HGF: variants seen among roughly 807,000 people sequenced by gnomAD.
HGF encodes the protein hepatocyte growth factor, also known as fibroblast-derived tumor cytotoxic factor.
Under a neutral mutation model 111.6 loss-of-function variants are expected in HGF, and 39 were observed. The observed-to-expected ratio is 0.35, with a 90% CI of 0.27 to 0.46. HGF has a LOEUF of 0.46. Among genes scored for constraint, HGF ranks in the 20% least tolerant of loss-of-function variants. The probability of loss-of-function intolerance (pLI) is 1.00; values close to 1 mark genes in which losing one functional copy is unlikely to be tolerated. For missense variants in HGF, 735 were observed against 910.5 expected, an observed-to-expected ratio of 0.81 and a Z score of 2.48; for synonymous variants, 285 against 294.8, an observed-to-expected ratio of 0.97 and a Z score of 0.34.
At position 81,755,155 on chromosome 7, in the gene HGF, G is replaced by C. The variant is rs1219332159; in HGVS notation, c.482+2034C>G. On this transcript the variant is annotated intron_variant, in intron 4 of 17. Coordinates refer to ENST00000222390, the MANE Select transcript of HGF (RefSeq NM_000601.6). ...TGAAGGATACAGATGTAGATATCAG[G>C]TCACCTGATTTTCTAGTTAAGCTTC... 4 of 152,062 alleles carry C rather than the reference G, an allele frequency of 2.6e-5. No homozygotes were observed. In the East Asian group the frequency reaches 7.7e-4, roughly 29 times the overall value. 9.4% of individuals were successfully genotyped at this position (152,062 alleles called of 1,614,324 possible). A position where few individuals can be genotyped will look rare whatever the true frequency, so the allele number is the denominator to read the frequency against.
At chr7:81,740,464 A>T (rs1787967403) in intron 7 of HGF, among the ~76,000 whole-genome samples, 1 of 152,254 alleles carries the variant, frequency 6.6e-6, no homozygotes, top group Non-Finnish European at 1.5e-5. Flanking sequence ...TTTTGAATAC[A>T]ATGAGAACTA....
At chr7:81,727,339 G>T (rs143500816) in intron 8 of HGF, among the ~76,000 whole-genome samples, 1,553 of 151,906 alleles carry the variant, frequency 0.01, 23 homozygotes, top group African/African-American at 0.036. Context: ...CACCGCACCC[G>T]GCCGAAACTG....
chr7:81,746,076 C>T (rs1003678213), intron 5 of HGF, among the ~76,000 whole-genome samples: 1 of 152,166 alleles, frequency 6.6e-6, no homozygotes, highest in Admixed American at 6.5e-5. Context: ...GAAGAGGCAT[C>T]AATGTTTAGT....
At chr7:81,751,463 A>T in intron 5 of HGF, 2 of 974,428 alleles carry the variant, frequency 2.1e-6, no homozygotes, top group Non-Finnish European at 2.4e-6. Flanking sequence ...TTATGCTGTG[A>T]GAAGAGCTGA....
chr7:81,759,255 A>G (rs933711470), intron 2 of HGF, among the ~76,000 whole-genome samples: 6 of 152,208 alleles, frequency 3.9e-5, no homozygotes, highest in Non-Finnish European at 8.8e-5. Flanking sequence ...TATCAGGAGT[A>G]ATTTACAAAG....
In HGF at chr7:81,725,750, G is replaced by A. The variant is rs2887069; in HGVS notation, c.1168+140C>T. The A allele has an allele frequency of 0.81, 764,683 of 939,402 alleles. 311,848 individuals are homozygous for A. The highest frequency in any genetic ancestry group is 0.88 in the East Asian group (36,620 of 41,696). The allele number at this position is 939,402 out of a possible 1,614,324, so 58.2% of individuals were successfully genotyped here. On this transcript the variant is annotated intron_variant, in intron 9 of 17. Transcript: ENST00000222390. Reference sequence around the variant, plus strand: ...AGTGAATAAACATAAGAAAAATCCAGCTTCAAACTTGGTGATTTTGTTTGC... The same window carrying A: ...AGTGAATAAACATAAGAAAAATCCAACTTCAAACTTGGTGATTTTGTTTGC...
At chr7:81,732,583 C>G (rs1475271265) in intron 7 of HGF, among the ~76,000 whole-genome samples, 1 of 152,138 alleles carries the variant, frequency 6.6e-6, no homozygotes, top group Non-Finnish European at 1.5e-5. Context: ...TAGTTACAAT[C>G]TGAAGCAATA....
At chr7:81,759,323 T>C (rs1191891357) in intron 2 of HGF, among the ~76,000 whole-genome samples, 2 of 152,182 alleles carry the variant, frequency 1.3e-5, no homozygotes, top group Non-Finnish European at 2.9e-5. Flanking sequence ...ATTAGATATA[T>C]CAATGCGCTA....
chr7:81,740,501 A>G (rs1454339948), intron 7 of HGF, among the ~76,000 whole-genome samples: 1 of 152,202 alleles, frequency 6.6e-6, no homozygotes, highest in South Asian at 2.1e-4. Context: ...ATATTATACA[A>G]CAAAGATGAA....
intron 7 of HGF, among the ~76,000 whole-genome samples, chr7:81,733,668 A>T (rs953054790): frequency 6.6e-6 from 1 of 152,148 alleles, no homozygotes; most frequent in Non-Finnish European, 1.5e-5. Flanking sequence ...ATACAGGCGA[A>T]TAAAGATATA....
chr7:81,713,151 T>C (rs188609515), intron 11 of HGF, among the ~76,000 whole-genome samples: 1 of 152,340 alleles, frequency 6.6e-6, no homozygotes, highest in East Asian at 1.9e-4. Flanking sequence ...TTAAGTCTCT[T>C]ATTTCTAAGC....
At chr7:81,743,271 G>A in intron 7 of HGF, 82 bp downstream of exon 7, 1 of 845,742 alleles carries the variant, frequency 1.2e-6, no homozygotes, top group African/African-American at 1.7e-5. Context: ...TTAAATAGTT[G>A]TTAACCTGTC....
intron 8 of HGF, among the ~76,000 whole-genome samples, chr7:81,726,852 TAATA>T (rs1443837415): frequency 2.0e-5 from 3 of 151,984 alleles, no homozygotes; most frequent in Admixed American, 6.5e-5. Context: ...ATGGATTTCA[TAATA>T]AATAAAATTT....
At chr7:81,766,268 T>C (rs960669946) in intron 1 of HGF, among the ~76,000 whole-genome samples, 6 of 152,102 alleles carry the variant, frequency 3.9e-5, no homozygotes, top group Non-Finnish European at 7.4e-5. Flanking sequence ...AGGAAAGGAT[T>C]TGCAGGGTGT....
intron 6 of HGF, among the ~76,000 whole-genome samples, chr7:81,744,199 T>A (rs1257848120): frequency 6.6e-6 from 1 of 152,178 alleles, no homozygotes. Flanking sequence ...ATTTCCTGTG[T>A]AATTATTTGT....
intron 4 of HGF, among the ~76,000 whole-genome samples, chr7:81,753,044 A>G (rs1788582477): frequency 6.6e-6 from 1 of 152,050 alleles, no homozygotes; most frequent in Admixed American, 6.6e-5. Context: ...CTCTTCAATA[A>G]TTTTGATCAT....
chr7:81,762,324 C>T (rs1376375259), intron 2 of HGF, among the ~76,000 whole-genome samples: 3 of 152,146 alleles, frequency 2.0e-5, no homozygotes, highest in Admixed American at 6.5e-5. Context: ...TAAATTTTGG[C>T]TGCTGCCCAA....
chr7:81,762,871 C>T lies in HGF; in HGVS notation c.90G>A (p.Glu30=). ...TTGTATTTCTTCTTTTCCTTTGTCC[C>T]TCTATTAAATACAAAATGTTTTAAA... ...LLLPIAIPYA[E]GQRKRRNTIH... The change falls in exon 2 of 18, where the codon GAG becomes GAA. Residue 30 remains glutamate, a splice_region_variant and synonymous_variant. Coordinates refer to ENST00000222390, the MANE Select transcript of HGF (RefSeq NM_000601.6). 2.0e-6 allele frequency: 3 copies of T among 1,494,530 alleles called. No homozygotes were observed. Among genetic ancestry groups the T allele is most frequent in the Non-Finnish European group, 2.8e-6 (3 of 1,073,260 alleles). 92.6% of individuals were successfully genotyped at this position (1,494,530 alleles called of 1,614,324 possible). A position where few individuals can be genotyped will look rare whatever the true frequency, so the allele number is the denominator to read the frequency against.
chr7:81,721,662 C>G (rs1361017428), intron 9 of HGF, among the ~76,000 whole-genome samples: 1 of 152,088 alleles, frequency 6.6e-6, no homozygotes, highest in African/African-American at 2.4e-5. Flanking sequence ...TGAATAAAAC[C>G]AAGTTAAAGA....
Sources: gnomAD v4.1 joint callset for allele counts (sites outside exome capture counted in the v4.1 genomes callset) on GRCh38, gnomAD v4.1.1 for gene constraint, MANE v1.5 for transcripts, NCBI Gene and HGNC (gene_info 2026-07-23, HGNC 2026-07-21) for gene names.